Variants in KIZ observed in about 807,000 individuals in gnomAD.
The protein encoded by KIZ is kizuna centrosomal protein.
KIZ carries 68 observed loss-of-function variants against 79.6 expected under a neutral mutation model. That is an observed-to-expected ratio of 0.85 (90% CI 0.70 to 1.05). KIZ has a LOEUF of 1.05. KIZ is among the 50% of genes least tolerant of loss of function. The pLI is 0.00. For synonymous variants in KIZ, 280 were observed against 281.8 expected (o/e 0.99, Z 0.06); for missense variants, 797 against 800.4 (o/e 1.00, Z 0.05).
At chr20:21,195,085 C>T (rs1388190242) in intron 6 of KIZ, 1 of 152,194 alleles carries the variant, frequency 6.6e-6, no homozygotes, top group East Asian at 1.9e-4. Flanking sequence ...AAGATGGTGT[C>T]TCTTTTGTGC....
At chr20:21,237,488 C>T (rs934988013) in intron 11 of KIZ, among the ~76,000 whole-genome samples, 1 of 152,074 alleles carries the variant, frequency 6.6e-6, no homozygotes, top group Non-Finnish European at 1.5e-5. Context: ...GCCTGCACCT[C>T]TGTCAAGCAC....
rs746895456 is a variant in KIZ, at chr20:21,161,894, C to T, written c.429C>T (p.Asn143=). ...REKVAVHEGI[N]SGTAMSRGLY... ...AGGTTGCAGTGCACGAGGGGATTAA[C>T]TCAGGAACAGCCATGTCAAGAGGAT... The change falls in exon 5 of 13, where the codon AAC becomes AAT. Residue 143 remains asparagine, a synonymous_variant. Coordinates refer to ENST00000619189, the MANE Select transcript of KIZ (RefSeq NM_018474.6). The T allele has an allele frequency of 2.5e-6, 4 of 1,612,462 alleles. No individual in the cohort carries two copies. Among genetic ancestry groups the T allele is most frequent in the Non-Finnish European group, 3.4e-6 (4 of 1,179,030 alleles).
chr20:21,162,818 G>A, intron 5 of KIZ, 32 bp from the exon 6 acceptor site: 6 of 1,568,304 alleles, frequency 3.8e-6, no homozygotes, highest in Non-Finnish European at 5.2e-6. Flanking sequence ...TGAAGTCAGT[G>A]ATTGGTAATC....
At chr20:21,146,573 C>T (rs1454096711) in intron 4 of KIZ, among the ~76,000 whole-genome samples, 1 of 152,232 alleles carries the variant, frequency 6.6e-6, no homozygotes, top group South Asian at 2.1e-4. Flanking sequence ...CCGATGGAAT[C>T]ATTCAGCCAA....
chr20:21,244,543 G>C (rs2037326222), intron 12 of KIZ: 2 of 509,042 alleles, frequency 3.9e-6, no homozygotes, highest in East Asian at 6.7e-5. Flanking sequence ...AGGGGATCCT[G>C]GCCTCCATGT....
chr20:21,223,509 T>A (rs542126561), intron 9 of KIZ, among the ~76,000 whole-genome samples: 1 of 152,148 alleles, frequency 6.6e-6, no homozygotes, highest in African/African-American at 2.4e-5. Flanking sequence ...GAGTGGAGTT[T>A]ATTGCAGAAA....
chr20:21,183,210 T>C (rs941281065), intron 6 of KIZ, among the ~76,000 whole-genome samples: 6 of 152,176 alleles, frequency 3.9e-5, no homozygotes, highest in Non-Finnish European at 8.8e-5. Context: ...AAAATGGGAA[T>C]GCAACAGGCA....
chr20:21,193,743 A>G (rs1261862691), intron 6 of KIZ, among the ~76,000 whole-genome samples: 1 of 151,326 alleles, frequency 6.6e-6, no homozygotes, highest in Non-Finnish European at 1.5e-5. Context: ...TTCTCAGCAA[A>G]CTATCGCAAG....
At chr20:21,207,183 G>A (rs528739136) in intron 7 of KIZ, among the ~76,000 whole-genome samples, 5 of 152,218 alleles carry the variant, frequency 3.3e-5, no homozygotes, top group African/African-American at 1.2e-4. Context: ...CCTGTGTCTT[G>A]AAGTCACATG....
chr20:21,229,160 G>A (rs185478343), intron 10 of KIZ, 45 bp downstream of exon 10: 20 of 1,122,052 alleles, frequency 1.8e-5, no homozygotes, highest in Non-Finnish European at 2.5e-5. Flanking sequence ...AGAGTGGCAG[G>A]CAGGGCTGTG....
intron 9 of KIZ, among the ~76,000 whole-genome samples, chr20:21,219,022 T>C (rs1361708585): frequency 1.3e-5 from 2 of 152,184 alleles, no homozygotes; most frequent in African/African-American, 2.4e-5. Context: ...AGAAGAAGTA[T>C]AAGAGAAGAC....
At chr20:21,129,482 C>G (rs2031699513) in intron 1 of KIZ, among the ~76,000 whole-genome samples, 1 of 152,118 alleles carries the variant, frequency 6.6e-6, no homozygotes, top group Non-Finnish European at 1.5e-5. Context: ...CACCTATAAT[C>G]CCGGCACTTT....
rs145400323 is a variant in KIZ at position 21,187,431 on chromosome 20, T to G, written c.1353-18060T>G. ...CTAGACCCATTCCCATTCATCAGAC[T>G]AAATTGGCCTCTGTGGAGACTCACT... is the stretch of plus-strand genomic sequence containing the variant. On this transcript the variant is annotated intron_variant, in intron 6 of 12. Transcript: ENST00000619189. Among the ~76,000 whole-genome samples the G allele has an allele frequency of 1.3e-3, 201 of 152,330 alleles. 3 individuals are homozygous for G. Among genetic ancestry groups the G allele is most frequent in the Non-Finnish European group, 1.5e-4 (10 of 68,028 alleles).
intron 10 of KIZ, among the ~76,000 whole-genome samples, chr20:21,229,765 A>G (rs1428350839): frequency 6.6e-6 from 1 of 151,924 alleles, no homozygotes; most frequent in African/African-American, 2.4e-5. Flanking sequence ...TTGTAGAGGT[A>G]GGGTTTTGCC....
At chr20:21,244,031 C>T (rs1039497890) in intron 11 of KIZ, among the ~76,000 whole-genome samples, 4 of 152,144 alleles carry the variant, frequency 2.6e-5, no homozygotes, top group Admixed American at 1.3e-4. Context: ...AGGGGACACA[C>T]GCAGGACGGG....
At chr20:21,246,447 ATGTT>A (rs760628046) in intron 12 of KIZ, 28 bp from the exon 13 acceptor site, 2 of 1,384,952 alleles carry the variant, frequency 1.4e-6, no homozygotes, top group South Asian at 2.4e-5. Flanking sequence ...GAATGCAAAA[ATGTT>A]AAATAACTGT....
chr20:21,196,790 G>A (rs1006229839), intron 6 of KIZ: 3 of 152,176 alleles, frequency 2.0e-5, no homozygotes, highest in Middle Eastern at 3.1e-3. Context: ...AATAGCACTT[G>A]AATCTTGTGT....
chr20:21,209,565 A>G (rs147354770), intron 7 of KIZ, among the ~76,000 whole-genome samples: 2 of 75,712 alleles, frequency 2.6e-5, no homozygotes, highest in African/African-American at 6.5e-5. Context: ...GGTCATATGA[A>G]TATCTTCTCA....
intron 6 of KIZ, among the ~76,000 whole-genome samples, chr20:21,177,044 A>G (rs1048263663): frequency 2.6e-5 from 4 of 152,276 alleles, no homozygotes; most frequent in African/African-American, 9.6e-5. Flanking sequence ...GCTATTGCGA[A>G]TAGTGCTGTG....
Sources: gnomAD v4.1 joint callset for allele counts (sites outside exome capture counted in the v4.1 genomes callset) on GRCh38, gnomAD v4.1.1 for gene constraint, MANE v1.5 for transcripts, NCBI Gene and HGNC (gene_info 2026-07-23, HGNC 2026-07-21) for gene names.